CTNNA2: variants seen among roughly 807,000 people sequenced by gnomAD.
The protein encoded by CTNNA2 is catenin alpha 2, also known as catenin alpha-2.
CTNNA2 carries 42 observed loss-of-function variants against 101.0 expected under a neutral mutation model. The observed-to-expected ratio is 0.42, with a 90% confidence interval of 0.32 to 0.54. The LOEUF is 0.54. CTNNA2 is among the 20% of genes least tolerant of loss of function. CTNNA2 has a pLI of 0.14. For missense variants in CTNNA2, 871 were observed against 1,223.1 expected (o/e 0.71, Z 4.29); for synonymous variants, 450 against 456.4 (o/e 0.99, Z 0.18).
chr2:79,941,647 C>G (rs1688170702), intron 7 of CTNNA2, among the ~76,000 whole-genome samples: 1 of 152,130 alleles, frequency 6.6e-6, no homozygotes, highest in Non-Finnish European at 1.5e-5. Flanking sequence ...AAAATGGAGT[C>G]TCACTCTGCC....
At chr2:80,004,026 G>A (rs939060619) in intron 7 of CTNNA2, among the ~76,000 whole-genome samples, 9 of 152,232 alleles carry the variant, frequency 5.9e-5, no homozygotes, top group Admixed American at 1.3e-4. Context: ...ACTGAGGCAC[G>A]TTTGCTCTGT....
intron 3 of CTNNA2, among the ~76,000 whole-genome samples, chr2:79,759,805 GAT>G (rs1250971658): frequency 1.3e-5 from 2 of 152,132 alleles, no homozygotes; most frequent in Admixed American, 1.3e-4. Flanking sequence ...CCAAGCCATA[GAT>G]ATTGCTATTT....
intron 6 of CTNNA2, among the ~76,000 whole-genome samples, chr2:79,897,476 T>C (rs1684797667): frequency 6.6e-6 from 1 of 152,210 alleles, no homozygotes; most frequent in Admixed American, 6.5e-5. Flanking sequence ...ATGTTTAATA[T>C]CTATAACTCA....
chr2:80,200,597 G>T (rs538636626), intron 7 of CTNNA2, among the ~76,000 whole-genome samples: 1 of 152,062 alleles, frequency 6.6e-6, no homozygotes, highest in East Asian at 1.9e-4. Flanking sequence ...GTGCAATGGC[G>T]TGATCCCGGC....
At chr2:79,326,466 T>G (rs1349516) in intron 3 of CTNNA2, among the ~76,000 whole-genome samples, 2 of 151,346 alleles carry the variant, frequency 1.3e-5, no homozygotes, top group African/African-American at 4.9e-5. Flanking sequence ...ACAACCTAGG[T>G]TTTTTTTAAA....
chr2:80,127,572 C>A (rs1477692759), intron 7 of CTNNA2, among the ~76,000 whole-genome samples: 3 of 152,124 alleles, frequency 2.0e-5, no homozygotes, highest in Non-Finnish European at 4.4e-5. Flanking sequence ...AGAGATTCAA[C>A]CCAGGTTGTT....
intron 18 of CTNNA2, among the ~76,000 whole-genome samples, chr2:80,641,742 C>A (rs1311270858): frequency 6.6e-6 from 1 of 151,986 alleles, no homozygotes; most frequent in Admixed American, 6.6e-5. Flanking sequence ...AAGTAAAATA[C>A]TTGTTGATGA....
intron 7 of CTNNA2, among the ~76,000 whole-genome samples, chr2:80,135,670 T>A (rs1417020378): frequency 6.6e-6 from 1 of 152,132 alleles, no homozygotes; most frequent in East Asian, 1.9e-4. Context: ...CCCTATGATG[T>A]GTCATTCACA....
chr2:79,659,186 A>G (rs1228468499), intron 2 of CTNNA2, among the ~76,000 whole-genome samples: 1 of 150,870 alleles, frequency 6.6e-6, no homozygotes, highest in East Asian at 2.0e-4. Flanking sequence ...TTAGAAGCAA[A>G]GTAACTTCTG....
chr2:79,617,404 C>G (rs773417499), intron 1 of CTNNA2, among the ~76,000 whole-genome samples: 4 of 152,082 alleles, frequency 2.6e-5, no homozygotes, highest in Non-Finnish European at 4.4e-5. Context: ...TTTAAATTCT[C>G]TTATTTCCCA....
intron 7 of CTNNA2, among the ~76,000 whole-genome samples, chr2:80,173,609 T>C (rs1400034626): frequency 6.6e-6 from 1 of 152,210 alleles, no homozygotes; most frequent in Non-Finnish European, 1.5e-5. Flanking sequence ...AGGTATAGTT[T>C]CCTCGCACTG....
intron 3 of CTNNA2, among the ~76,000 whole-genome samples, chr2:79,777,670 AACAAAAGG>A (rs1301660823): frequency 6.6e-6 from 1 of 152,122 alleles, no homozygotes; most frequent in African/African-American, 2.4e-5. Flanking sequence ...ATCTTACCAA[AACAAAAGG>A]ATGGGAATCT....
chr2:79,731,355 C>T (rs546074571), intron 2 of CTNNA2, among the ~76,000 whole-genome samples: 2 of 152,184 alleles, frequency 1.3e-5, no homozygotes, highest in African/African-American at 4.8e-5. Context: ...GAGTCATCTA[C>T]AGTTTTACCA....
chr2:79,267,633 G>A (rs1675003032), intron 2 of CTNNA2, among the ~76,000 whole-genome samples: 1 of 152,144 alleles, frequency 6.6e-6, no homozygotes, highest in Admixed American at 6.6e-5. Context: ...TCAAGTTTTA[G>A]CTTGGCCTTC....
chr2:80,020,592 G>A (rs1464839281), intron 7 of CTNNA2, among the ~76,000 whole-genome samples: 1 of 152,152 alleles, frequency 6.6e-6, no homozygotes, highest in Non-Finnish European at 1.5e-5. Context: ...TGACAATAAA[G>A]TCATGTACAC....
chr2:80,329,272 C>T (rs1465206528), intron 7 of CTNNA2, among the ~76,000 whole-genome samples: 2 of 152,074 alleles, frequency 1.3e-5, no homozygotes, highest in Non-Finnish European at 2.9e-5. Context: ...CAAGGAGTTC[C>T]TGCTTGGAGA....
At chr2:79,728,556 C>A (rs1687004332) in intron 2 of CTNNA2, among the ~76,000 whole-genome samples, 1 of 152,156 alleles carries the variant, frequency 6.6e-6, no homozygotes, top group Admixed American at 6.5e-5. Flanking sequence ...GTTTCTTTTG[C>A]TGTGCAGAAG....
At chr2:79,877,733 AG>A (rs1163502683) in intron 6 of CTNNA2, among the ~76,000 whole-genome samples, 2 of 152,214 alleles carry the variant, frequency 1.3e-5, no homozygotes, top group East Asian at 3.9e-4. Context: ...TTTCTCATAT[AG>A]TGAAAATTTA....
At chr2:79,575,771 A>T (rs180771693) in intron 1 of CTNNA2, among the ~76,000 whole-genome samples, 1 of 152,204 alleles carries the variant, frequency 6.6e-6, no homozygotes, top group African/African-American at 2.4e-5. Context: ...ATTCCAAACA[A>T]TATTAACCAA....
Sources: gnomAD v4.1 joint callset for allele counts (sites outside exome capture counted in the v4.1 genomes callset) on GRCh38, gnomAD v4.1.1 for gene constraint, MANE v1.5 for transcripts, NCBI Gene and HGNC (gene_info 2026-07-23, HGNC 2026-07-21) for gene names.